SYN3: variants seen among roughly 807,000 people sequenced by gnomAD.
The protein encoded by SYN3 is synapsin III.
Under a neutral mutation model 65.8 loss-of-function variants are expected in SYN3, and 35 were observed. The observed-to-expected ratio is 0.53, with a 90% CI of 0.41 to 0.70. The LOEUF (loss-of-function observed/expected upper bound fraction) is 0.70. Among genes scored for constraint, SYN3 ranks in the 30% least tolerant of loss-of-function variants. The pLI, the probability that SYN3 is intolerant of heterozygous loss-of-function variation, is 0.00. For missense variants in SYN3, 680 were observed against 749.0 expected (o/e 0.91, Z 1.08); for synonymous variants, 270 against 292.9 (o/e 0.92, Z 0.80).
At chr22:32,656,892 A>G (rs1351525810) in intron 6 of SYN3, among the ~76,000 whole-genome samples, 1 of 152,102 alleles carries the variant, frequency 6.6e-6, no homozygotes, top group Non-Finnish European at 1.5e-5. Flanking sequence ...AGAGAGGGGA[A>G]GAGAAGTGAG....
intron 6 of SYN3, among the ~76,000 whole-genome samples, chr22:32,687,195 G>A (rs1182723596): frequency 4.6e-4 from 4 of 8,654 alleles, no homozygotes; most frequent in Admixed American, 1.8e-3. Flanking sequence ...CGGAATTCTC[G>A]CTCTGCCGCC....
rs765369309 is a variant in SYN3 at position 32,545,015 on chromosome 22, G to A, written c.775-3302C>T. ...CTCCTCTCCCTGGCATCTTCATACC[G>A]CTGTGTGGCCACATTTTGGCCAACA... On this transcript the variant is annotated intron_variant, in intron 7 of 13. Coordinates refer to ENST00000358763, the MANE Select transcript of SYN3 (RefSeq NM_003490.4). Among the ~76,000 whole-genome samples the A allele has an allele frequency of 3.0e-4, 45 of 152,190 alleles. 1 individual carries two copies. Among genetic ancestry groups the A allele is most frequent in the Admixed American group, 4.6e-4 (7 of 15,284 alleles).
At chr22:32,899,121 C>CAAAACAAAACAAAACAA (rs1419498399) in intron 4 of SYN3, among the ~76,000 whole-genome samples, 1 of 151,690 alleles carries the variant, frequency 6.6e-6, no homozygotes, top group Non-Finnish European at 1.5e-5. Flanking sequence ...CAAAACAAAA[C>CAAAACAAAACAAAACAA]AACGAAAAAA....
At chr22:32,803,136 T>C (rs2046635386) in intron 6 of SYN3, among the ~76,000 whole-genome samples, 1 of 152,062 alleles carries the variant, frequency 6.6e-6, no homozygotes, top group Non-Finnish European at 1.5e-5. Context: ...GCAAGTCCAG[T>C]GGCTCTGCTG....
intron 8 of SYN3, 134 bp downstream of exon 8, chr22:32,541,437 A>T: frequency 8.8e-7 from 1 of 1,134,618 alleles, no homozygotes; most frequent in Non-Finnish European, 1.3e-6. Context: ...GCCACACTGG[A>T]CAGAGAAGAA....
At chr22:32,660,742 C>T (rs1421013462) in intron 6 of SYN3, among the ~76,000 whole-genome samples, 1 of 152,208 alleles carries the variant, frequency 6.6e-6, no homozygotes, top group East Asian at 1.9e-4. Context: ...ATGTCTATTT[C>T]CTCTTGGGAT....
intron 6 of SYN3, among the ~76,000 whole-genome samples, chr22:32,621,884 G>A (rs1383745580): frequency 2.0e-5 from 3 of 152,186 alleles, no homozygotes; most frequent in South Asian, 4.1e-4. Flanking sequence ...CAGGCCTCCT[G>A]ACTCAGATCT....
At chr22:33,028,675 G>GGTGGTGGTT (rs1569413454) in intron 1 of SYN3, among the ~76,000 whole-genome samples, 2 of 106,046 alleles carry the variant, frequency 1.9e-5, no homozygotes, top group African/African-American at 7.3e-5. Context: ...TGGTGGTGGT[G>GGTGGTGGTT]GTGGTGGTGG....
At chr22:32,879,464 T>C (rs1237013133) in intron 4 of SYN3, among the ~76,000 whole-genome samples, 1 of 151,946 alleles carries the variant, frequency 6.6e-6, no homozygotes, top group African/African-American at 2.4e-5. Flanking sequence ...GCTGGGGAGG[T>C]GGGGGACCTG....
intron 6 of SYN3, among the ~76,000 whole-genome samples, chr22:32,819,889 G>T (rs535494092): frequency 1.3e-5 from 2 of 152,300 alleles, no homozygotes; most frequent in African/African-American, 4.8e-5. Flanking sequence ...CTGACTTCCT[G>T]TTCTGCGCAT....
intron 6 of SYN3, among the ~76,000 whole-genome samples, chr22:32,709,712 C>A (rs1465271496): frequency 6.6e-6 from 1 of 151,972 alleles, no homozygotes; most frequent in Non-Finnish European, 1.5e-5. Context: ...TTTTCCCCCA[C>A]AACTCTTTTC....
chr22:32,935,605 C>T (rs893632979), intron 3 of SYN3, among the ~76,000 whole-genome samples: 24 of 152,196 alleles, frequency 1.6e-4, no homozygotes, highest in African/African-American at 3.1e-4. Flanking sequence ...CACCCGCCAC[C>T]GCGCCCGGCT....
intron 5 of SYN3, among the ~76,000 whole-genome samples, chr22:32,865,293 C>T (rs998189473): frequency 6.6e-6 from 1 of 152,222 alleles, no homozygotes; most frequent in Non-Finnish European, 1.5e-5. Context: ...CAGCATTTCA[C>T]ACCATGTCCT....
chr22:32,876,595 T>TTA (rs919626385), intron 4 of SYN3, among the ~76,000 whole-genome samples: 1 of 139,254 alleles, frequency 7.2e-6, no homozygotes, highest in Non-Finnish European at 1.6e-5. Context: ...CCTGCATTGT[T>TTA]AAAAAAAAAA....
At chr22:32,807,060 C>T (rs2046760649) in intron 6 of SYN3, among the ~76,000 whole-genome samples, 1 of 151,184 alleles carries the variant, frequency 6.6e-6, no homozygotes. Flanking sequence ...ATATATAAAA[C>T]TGTCAGAGGA....
chr22:32,915,384 A>T (rs2050160608), intron 4 of SYN3, among the ~76,000 whole-genome samples: 1 of 152,244 alleles, frequency 6.6e-6, no homozygotes, highest in South Asian at 2.1e-4. Context: ...CAAGGGGCTT[A>T]TATTCTGGTG....
chr22:32,555,237 T>C (rs909819701), intron 7 of SYN3, among the ~76,000 whole-genome samples: 2 of 152,126 alleles, frequency 1.3e-5, no homozygotes, highest in Non-Finnish European at 2.9e-5. Flanking sequence ...GGTCTTAACA[T>C]CCTCTTACGA....
intron 6 of SYN3, among the ~76,000 whole-genome samples, chr22:32,747,063 CA>C (rs1366781737): frequency 6.6e-6 from 1 of 152,198 alleles, no homozygotes; most frequent in Non-Finnish European, 1.5e-5. Context: ...GGAACTACCT[CA>C]ACACAATGGC....
chr22:32,625,816 C>T lies in SYN3; in HGVS notation c.712-29080G>A, dbSNP rs889357860. On this transcript the variant is annotated intron_variant, in intron 6 of 13. Coordinates refer to ENST00000358763, the MANE Select transcript of SYN3 (RefSeq NM_003490.4). ...GCTTACTGAGCACCTGCAATGTTGA[C>T]GCCATGTGAGGATTCAAGCAAGAGC... is the stretch of plus-strand genomic sequence containing the variant. Among the ~76,000 whole-genome samples, 8 of 152,164 alleles carry T rather than the reference C, an allele frequency of 5.3e-5. No individual in the cohort carries two copies. The South Asian group carries it at 6.2e-4, about 12-fold the overall frequency.
Sources: gnomAD v4.1 joint callset for allele counts (sites outside exome capture counted in the v4.1 genomes callset) on GRCh38, gnomAD v4.1.1 for gene constraint, MANE v1.5 for transcripts, NCBI Gene and HGNC (gene_info 2026-07-23, HGNC 2026-07-21) for gene names.